Variants in AKAP6 observed in about 807,000 individuals in gnomAD.
AKAP6 encodes the protein A-kinase anchor protein 6.
Under a neutral mutation model 188.5 loss-of-function variants are expected in AKAP6, and 58 were observed. The observed-to-expected ratio is 0.31, with a 90% CI of 0.25 to 0.38. AKAP6 has a LOEUF of 0.38. Ranked by LOEUF, AKAP6 falls within the 10% of genes least tolerant of loss-of-function variation. The probability of loss-of-function intolerance (pLI) is 1.00; values close to 1 mark genes in which losing one functional copy is unlikely to be tolerated. For missense variants in AKAP6, 2,710 were observed against 2,740.0 expected (o/e 0.99, Z 0.24); for synonymous variants, 989 against 998.6 (o/e 0.99, Z 0.18).
intron 2 of AKAP6, among the ~76,000 whole-genome samples, chr14:32,510,464 A>ATATATATGTG (rs1566546945): frequency 1.4e-5 from 1 of 70,084 alleles, no homozygotes; most frequent in Non-Finnish European, 3.1e-5. Flanking sequence ...ATATATGTGT[A>ATATATATGTG]TATATATATA....
chr14:32,557,337 A>G (rs1244666073), intron 4 of AKAP6, among the ~76,000 whole-genome samples: 1 of 152,196 alleles, frequency 6.6e-6, no homozygotes, highest in East Asian at 1.9e-4. Flanking sequence ...GGCTCAAGCC[A>G]TCCTCCATCT....
chr14:32,815,530 T>C (rs2034355882), intron 12 of AKAP6, among the ~76,000 whole-genome samples: 1 of 152,200 alleles, frequency 6.6e-6, no homozygotes, highest in African/African-American at 2.4e-5. Flanking sequence ...TGGTTATCTT[T>C]GTGGGATAAG....
rs11623122 is a variant in AKAP6 at position 32,834,885 on chromosome 14, G to T, written c.*5080G>T. ...GTGGCACGTGGGCCAAATTCAGCTC[G>T]TTGCCTGTTCTGGTTTGACCCATTT... On this transcript the variant is annotated 3_prime_UTR_variant, in exon 14 of 14. Coordinates refer to ENST00000280979, the MANE Select transcript of AKAP6 (RefSeq NM_004274.5). 6.6e-6 allele frequency: 1 copy of T among 152,030 alleles called. No homozygotes were observed. Among genetic ancestry groups the T allele is most frequent in the African/African-American group, 2.4e-5 (1 of 41,382 alleles). The allele number at this position is 152,030 out of a possible 1,614,324, so 9.4% of individuals were successfully genotyped here.
At chr14:32,599,847 T>C (rs1034090638) in intron 6 of AKAP6, among the ~76,000 whole-genome samples, 1 of 152,168 alleles carries the variant, frequency 6.6e-6, no homozygotes, top group African/African-American at 2.4e-5. Context: ...ACTGTATATA[T>C]AGTTATAATG....
chr14:32,801,230 C>CT (rs1184169819), intron 12 of AKAP6, among the ~76,000 whole-genome samples: 10 of 151,822 alleles, frequency 6.6e-5, no homozygotes, highest in Non-Finnish European at 1.2e-4. Context: ...TCTTTTTCTG[C>CT]TTTTTTTATT....
chr14:32,831,732 C>T lies in AKAP6; in HGVS notation c.*1927C>T, dbSNP rs990236704. 5 of 152,048 alleles carry T rather than the reference C, an allele frequency of 3.3e-5. No individual in the cohort carries two copies. The highest frequency in any genetic ancestry group is 1.3e-4 in the Admixed American group (2 of 15,264). 9.4% of individuals were successfully genotyped at this position (152,048 alleles called of 1,614,324 possible). ...GCAATGAGAGAAGCAGCAGTGGGTA[C>T]AAGGAGGAAGAAAAAGGGCTTGCAG... is the stretch of plus-strand genomic sequence containing the variant. On this transcript the variant is annotated 3_prime_UTR_variant, in exon 14 of 14. Transcript: ENST00000280979.
intron 9 of AKAP6, among the ~76,000 whole-genome samples, chr14:32,728,127 C>G (rs1304655515): frequency 6.6e-6 from 1 of 150,728 alleles, no homozygotes; most frequent in African/African-American, 2.4e-5. Context: ...GAGGGGCCAC[C>G]ATGAAGCCTC....
At chr14:32,560,188 A>G (rs1883889203) in intron 4 of AKAP6, among the ~76,000 whole-genome samples, 1 of 152,184 alleles carries the variant, frequency 6.6e-6, no homozygotes, top group Admixed American at 6.5e-5. Context: ...TTTAAAAGGT[A>G]AGGCTGCACA....
intron 9 of AKAP6, among the ~76,000 whole-genome samples, chr14:32,730,560 GA>G (rs899492408): frequency 4.6e-5 from 7 of 152,096 alleles, no homozygotes; most frequent in African/African-American, 9.7e-5. Flanking sequence ...TTGGGGTGAA[GA>G]GGGGGGGATG....
In AKAP6 at chr14:32,345,092, C is replaced by T. The variant is rs192272418; in HGVS notation, c.-35+15684C>T. 7.5e-4 allele frequency among the ~76,000 whole-genome samples: 114 copies of T among 152,048 alleles called. 2 individuals are homozygous for T. The Middle Eastern group carries it at 0.02, about 27-fold the overall frequency. Reference sequence around the variant, plus strand: ...ATCAAATTTTGTTTTTTCTATGCTTCCTTTCTAATTTGGGGAAATGTTTTC... The same window carrying T: ...ATCAAATTTTGTTTTTTCTATGCTTTCTTTCTAATTTGGGGAAATGTTTTC... On this transcript the variant is annotated intron_variant, in intron 1 of 13. Coordinates refer to ENST00000280979, the MANE Select transcript of AKAP6 (RefSeq NM_004274.5).
chr14:32,688,548 T>C (rs1190095193), intron 8 of AKAP6, among the ~76,000 whole-genome samples: 1 of 152,176 alleles, frequency 6.6e-6, no homozygotes, highest in African/African-American at 2.4e-5. Context: ...TGAAATTTTA[T>C]CTATCAGAGA....
chr14:32,517,920 G>A (rs1454556110), intron 2 of AKAP6, among the ~76,000 whole-genome samples: 1 of 152,224 alleles, frequency 6.6e-6, no homozygotes. Flanking sequence ...TGACGCCCGA[G>A]TAGCCTAACT....
At chr14:32,811,040 C>A (rs1490145742) in intron 12 of AKAP6, among the ~76,000 whole-genome samples, 1 of 151,832 alleles carries the variant, frequency 6.6e-6, no homozygotes, top group African/African-American at 2.4e-5. Context: ...GAGATCGAGA[C>A]CATCCTGGCT....
intron 7 of AKAP6, among the ~76,000 whole-genome samples, chr14:32,668,014 G>T (rs11850550): frequency 6.6e-6 from 1 of 151,786 alleles, no homozygotes; most frequent in Non-Finnish European, 1.5e-5. Context: ...TTGATGTTTA[G>T]TTTCTACCAG....
Position 32,600,798 on chromosome 14 carries a change from T to C in AKAP6, c.2730+6T>C. On this transcript the variant is annotated splice_donor_region_variant and intron_variant, in intron 7 of 13. Coordinates refer to ENST00000280979, the MANE Select transcript of AKAP6 (RefSeq NM_004274.5). Reference sequence around the variant, plus strand: ...AAGGGACTGGAAGCCCCAAGGTAAGTGGCTTGAAGTTTGCCTTATTTCCTC... The same window carrying C: ...AAGGGACTGGAAGCCCCAAGGTAAGCGGCTTGAAGTTTGCCTTATTTCCTC... The C allele has an allele frequency of 6.3e-7, 1 of 1,591,414 alleles. No homozygotes were observed. Among genetic ancestry groups the C allele is most frequent in the Non-Finnish European group, 8.6e-7 (1 of 1,169,328 alleles).
At chr14:32,571,657 T>G (rs548893821) in intron 4 of AKAP6, among the ~76,000 whole-genome samples, 8 of 152,198 alleles carry the variant, frequency 5.3e-5, no homozygotes, top group Non-Finnish European at 1.0e-4. Context: ...ATGCCTAATT[T>G]CTCTGTCCAC....
chr14:32,615,067 G>C (rs1288351416), intron 7 of AKAP6, among the ~76,000 whole-genome samples: 4 of 148,266 alleles, frequency 2.7e-5, no homozygotes, highest in Non-Finnish European at 4.4e-5. Flanking sequence ...TACTTGGGAG[G>C]CTGAGGCAGG....
chr14:32,817,104 C>T (rs542149100), intron 12 of AKAP6, among the ~76,000 whole-genome samples: 6 of 152,136 alleles, frequency 3.9e-5, no homozygotes, highest in South Asian at 4.2e-4. Flanking sequence ...TGTAGACTGT[C>T]GAGTTCCTTT....
rs372504034 is a variant in AKAP6, at chr14:32,773,667, C to T, written c.3373-11C>T. The T allele has an allele frequency of 1.2e-6, 2 of 1,612,468 alleles. No individual in the cohort carries two copies. Among genetic ancestry groups the T allele is most frequent in the South Asian group, 2.2e-5 (2 of 90,852 alleles). ...TAAACACTCATAGATTGGTTTCTCT[C>T]TATGTTGCAGTCCCTCTGTCGTGAA... On this transcript the variant is annotated splice_polypyrimidine_tract_variant and intron_variant, in intron 11 of 13. Coordinates refer to ENST00000280979, the MANE Select transcript of AKAP6 (RefSeq NM_004274.5).
Sources: gnomAD v4.1 joint callset for allele counts (sites outside exome capture counted in the v4.1 genomes callset) on GRCh38, gnomAD v4.1.1 for gene constraint, MANE v1.5 for transcripts, NCBI Gene and HGNC (gene_info 2026-07-23, HGNC 2026-07-21) for gene names.